The following HABP2 variants were observed in gnomAD, a reference collection of about 807,000 sequenced individuals.
The protein encoded by HABP2 is factor VII-activating protease.
HABP2 carries 65 observed loss-of-function variants against 66.5 expected under a neutral mutation model. That is an observed-to-expected ratio of 0.98 (90% CI 0.80 to 1.20). The LOEUF is 1.20. Ranked by LOEUF, HABP2 falls within the 50% of genes most tolerant of loss-of-function variation. The pLI is 0.00. For synonymous variants in HABP2, 263 were observed against 253.9 expected, an observed-to-expected ratio of 1.04 and a Z score of -0.34; for missense variants, 786 against 691.0, an observed-to-expected ratio of 1.14 and a Z score of -1.54.
intron 8 of HABP2, 126 bp downstream of exon 8, chr10:113,580,818 C>T: frequency 3.3e-6 from 2 of 614,006 alleles, no homozygotes; most frequent in East Asian, 2.8e-5. Flanking sequence ...CAATTCCCAT[C>T]CCAGTGCCAG....
chr10:113,584,681 T>A (rs1845601178), intron 11 of HABP2, among the ~76,000 whole-genome samples: 1 of 152,174 alleles, frequency 6.6e-6, no homozygotes, highest in South Asian at 2.1e-4. Flanking sequence ...TCATACTTAC[T>A]TCCCGGGTTT....
Position 113,588,561 on chromosome 10 carries a change from T to G in HABP2, c.*192T>G. ...ATTTGCACAATATCACCAGGCTTCT[T>G]CTGCCTCCCTTGGTAACCCAAGGAA... On this transcript the variant is annotated 3_prime_UTR_variant, in exon 13 of 13. Coordinates refer to ENST00000351270, the MANE Select transcript of HABP2 (RefSeq NM_004132.5). The G allele has an allele frequency of 1.8e-6, 1 of 546,678 alleles. No individual in the cohort carries two copies. Among genetic ancestry groups the G allele is most frequent in the South Asian group, 3.0e-5 (1 of 33,600 alleles). The allele number at this position is 546,678 out of a possible 1,614,324, so 33.9% of individuals were successfully genotyped here.
chr10:113,565,696 G>A (rs1005296931), intron 1 of HABP2, among the ~76,000 whole-genome samples: 2 of 152,222 alleles, frequency 1.3e-5, no homozygotes, highest in Admixed American at 6.5e-5. Context: ...CCAAACCACA[G>A]CACTCAATGT....
intron 4 of HABP2, among the ~76,000 whole-genome samples, chr10:113,576,532 G>A (rs1228724392): frequency 1.3e-5 from 2 of 152,162 alleles, no homozygotes; most frequent in Non-Finnish European, 2.9e-5. Context: ...ACTCTTGTGG[G>A]CATAACATGA....
In HABP2 at chr10:113,584,210, G is replaced by T; in HGVS notation, c.1300G>T (p.Val434Leu). 1 of 1,613,604 alleles carries T rather than the reference G, an allele frequency of 6.2e-7. No individual in the cohort carries two copies. The highest frequency in any genetic ancestry group is 8.5e-7 in the Non-Finnish European group (1 of 1,179,454). ...TCTAGAATCCAAATACGTGAAGACT[G>T]TGTGCTTGCCTGATGGGTCCTTTCC... ...CALESKYVKT[V>L]CLPDGSFPSG... The change falls in exon 11 of 13, where the codon GTG (valine) becomes TTG (leucine). Residue 434 changes from valine to leucine, a missense_variant. Physicochemically the swap from Val to Leu is conservative, Grantham distance 32. Transcript: ENST00000351270.
intron 1 of HABP2, among the ~76,000 whole-genome samples, chr10:113,564,926 A>C (rs2133752751): frequency 6.6e-6 from 1 of 152,020 alleles, no homozygotes; most frequent in East Asian, 1.9e-4. Flanking sequence ...GGCTCGCTGC[A>C]AGCTCTGCCT....
chr10:113,582,006 C>A lies in HABP2; in HGVS notation c.969C>A (p.Gly323=), dbSNP rs747024632. ...RIYGGFKSTA[G]KHPWQASLQS... ...ATGGAGGCTTTAAGAGCACGGCGGG[C>A]AAGCACCCATGGCAGGCGTCCCTCC... is the stretch of plus-strand genomic sequence containing the variant. Residue 323 remains glycine, a synonymous_variant, in exon 9 of 13, where the codon GGC becomes GGA. Transcript: ENST00000351270. The A allele has an allele frequency of 3.1e-6, 5 of 1,614,102 alleles. No homozygotes were observed. The highest frequency in any genetic ancestry group is 4.2e-6 in the Non-Finnish European group (5 of 1,180,040).
In HABP2 at chr10:113,553,188, G is replaced by T. The variant is rs754027231; in HGVS notation, c.67G>T (p.Gly23Trp). The change falls in exon 1 of 13, where the codon GGG (glycine) becomes TGG (tryptophan). Residue 23 changes from glycine (G) to tryptophan (W), a missense_variant and splice_region_variant. Physicochemically the swap from Gly to Trp is radical, Grantham distance 184. Transcript: ENST00000351270. ...GGCTCTGGTGGGAAAGACAGCCTGT[G>T]GGGTAAGTGTTCTTTTCTAATATTT... ...LMALVGKTAC[G>W]FSLMSLLESL... 6.2e-7 allele frequency: 1 copy of T among 1,607,114 alleles called. No individual in the cohort carries two copies. Among genetic ancestry groups the T allele is most frequent in the South Asian group, 1.1e-5 (1 of 90,926 alleles).
At chr10:113,576,329 C>T (rs1157684057) in intron 4 of HABP2, among the ~76,000 whole-genome samples, 1 of 152,136 alleles carries the variant, frequency 6.6e-6, no homozygotes, top group East Asian at 1.9e-4. Context: ...ATGTTGTCCT[C>T]AAATGGGAGA....
At chr10:113,552,011 G>A (rs1252675115), upstream of HABP2, among the ~76,000 whole-genome samples, 1 of 152,106 alleles carries the variant, frequency 6.6e-6, no homozygotes, top group Non-Finnish European at 1.5e-5. Context: ...CCAGGACTTG[G>A]CTAGTCCTTC....
chr10:113,556,925 G>A (rs765727601), intron 1 of HABP2, among the ~76,000 whole-genome samples: 8 of 150,846 alleles, frequency 5.3e-5, no homozygotes, highest in Non-Finnish European at 7.4e-5. Context: ...GATGACAGGT[G>A]TGAAGCATCA....
intron 4 of HABP2, 40 bp downstream of exon 4, chr10:113,576,044 A>T (rs1260311317): frequency 6.5e-6 from 7 of 1,070,258 alleles, no homozygotes; most frequent in Non-Finnish European, 1.0e-5. Context: ...CCTCTGAGTT[A>T]AACAAGAGGC....
intron 1 of HABP2, among the ~76,000 whole-genome samples, chr10:113,558,157 C>A (rs989944528): frequency 1.3e-4 from 20 of 152,332 alleles, no homozygotes; most frequent in Non-Finnish European, 2.2e-4. Flanking sequence ...CTCAATAGCC[C>A]CGAAGCTTTG....
rs765358432 is a variant in HABP2 at position 113,589,122 on chromosome 10, C to T, written c.*753C>T. 9 of 1,539,428 alleles carry T rather than the reference C, an allele frequency of 5.8e-6. No individual in the cohort carries two copies. Among genetic ancestry groups the T allele is most frequent in the African/African-American group, 1.4e-5 (1 of 73,390 alleles). ...ACCCCAAGTTAAAATGAAGCTCCCCCACCCCCACTCCCGGCCCCGGTTCCC... is the reference window on the plus strand; with the variant it reads ...ACCCCAAGTTAAAATGAAGCTCCCCTACCCCCACTCCCGGCCCCGGTTCCC... On this transcript the variant is annotated 3_prime_UTR_variant, in exon 13 of 13. Transcript: ENST00000351270.
intron 5 of HABP2, among the ~76,000 whole-genome samples, 175 bp from the exon 6 acceptor site, chr10:113,577,851 A>G (rs1469073668): frequency 6.6e-6 from 1 of 152,194 alleles, no homozygotes; most frequent in Non-Finnish European, 1.5e-5. Context: ...TTATGTTCTT[A>G]AGGCTTCTGT....
rs1259396054 is a variant in HABP2 at position 113,580,711 on chromosome 10, C to T, written c.838+19C>T. 4 of 1,278,480 alleles carry T rather than the reference C, an allele frequency of 3.1e-6. 1 individual carries two copies. In the South Asian group the frequency reaches 4.8e-5, roughly 15 times the overall value. The allele number at this position is 1,278,480 out of a possible 1,614,324, so 79.2% of individuals were successfully genotyped here. A position where few individuals can be genotyped will look rare whatever the true frequency, so the allele number is the denominator to read the frequency against. On this transcript the variant is annotated intron_variant, in intron 8 of 12. Transcript: ENST00000351270. ...GCCCAGGGTAAAGGCCATGGCTGTT[C>T]AGAAGCCCAGGGGGTGGGGGGGATG...
chr10:113,552,316 G>C (rs1844912209), upstream of HABP2, among the ~76,000 whole-genome samples: 1 of 152,180 alleles, frequency 6.6e-6, no homozygotes, highest in Non-Finnish European at 1.5e-5. Context: ...GCCTATTAAA[G>C]AGATCAATTG....
chr10:113,569,822 G>A (rs1207045950), intron 2 of HABP2: 1 of 152,290 alleles, frequency 6.6e-6, no homozygotes, highest in African/African-American at 2.4e-5. Context: ...ACAGGGCTGG[G>A]GTTTGGAGGA....
At chr10:113,581,761 C>T in intron 8 of HABP2, 115 bp from the exon 9 acceptor site, 1 of 1,007,590 alleles carries the variant, frequency 9.9e-7, no homozygotes, top group Non-Finnish European at 1.5e-6. Context: ...AGTGCAGTCT[C>T]TCAGCTCTGG....
Sources: gnomAD v4.1 joint callset for allele counts (sites outside exome capture counted in the v4.1 genomes callset) on GRCh38, gnomAD v4.1.1 for gene constraint, MANE v1.5 for transcripts, NCBI Gene and HGNC (gene_info 2026-07-23, HGNC 2026-07-21) for gene names.